PLEKHM3: variants seen among roughly 807,000 people sequenced by gnomAD.
PLEKHM3 encodes the protein pleckstrin homology domain-containing family M member 3.
PLEKHM3 carries 45 observed loss-of-function variants against 81.8 expected under a neutral mutation model. The observed-to-expected ratio is 0.55, with a 90% CI of 0.43 to 0.71. The LOEUF is 0.71. Ranked by LOEUF, PLEKHM3 falls within the 30% of genes least tolerant of loss-of-function variation. The pLI, the probability that PLEKHM3 is intolerant of heterozygous loss-of-function variation, is 0.00. For synonymous variants in PLEKHM3, 352 were observed against 356.4 expected (o/e 0.99, Z 0.14); for missense variants, 788 against 924.3 (o/e 0.85, Z 1.91).
At position 207,936,208 on chromosome 2, in the gene PLEKHM3, C is replaced by G. The variant is rs1210318241; in HGVS notation, c.1693-5089G>C. On this transcript the variant is annotated intron_variant, in intron 4 of 7. Transcript: ENST00000427836. ...TGCTGCTGCCCAAGCTGGTCTCAAG[C>G]AAATCCTTCTGCTTCAGCCTCCAAA... Among the ~76,000 whole-genome samples, 3 of 152,150 alleles carry G rather than the reference C, an allele frequency of 2.0e-5. No individual in the cohort carries two copies. The East Asian group carries it at 5.8e-4, about 29-fold the overall frequency.
At chr2:207,935,256 G>A (rs1188036991) in intron 4 of PLEKHM3, among the ~76,000 whole-genome samples, 1 of 152,168 alleles carries the variant, frequency 6.6e-6, no homozygotes, top group Non-Finnish European at 1.5e-5. Context: ...TATTAAAACT[G>A]AGACATCTTG....
intron 1 of PLEKHM3, among the ~76,000 whole-genome samples, chr2:208,016,625 G>A (rs538686372): frequency 7.4e-5 from 10 of 135,822 alleles, no homozygotes; most frequent in East Asian, 6.3e-4. Flanking sequence ...ACTCCAACCT[G>A]GGTGACAGAG....
intron 4 of PLEKHM3, among the ~76,000 whole-genome samples, chr2:207,945,395 AG>A (rs1405172064): frequency 1.3e-5 from 2 of 152,168 alleles, no homozygotes. Flanking sequence ...TACTTTGCAA[AG>A]CTATTAGCAT....
At chr2:208,014,227 C>T (rs1324447429) in intron 1 of PLEKHM3, among the ~76,000 whole-genome samples, 2 of 152,186 alleles carry the variant, frequency 1.3e-5, no homozygotes, top group Non-Finnish European at 2.9e-5. Flanking sequence ...CAAAGATAAG[C>T]ACAAGATAAG....
intron 2 of PLEKHM3, 95 bp downstream of exon 2, chr2:208,000,935 G>T: frequency 8.6e-7 from 1 of 1,163,532 alleles, no homozygotes; most frequent in Non-Finnish European, 1.2e-6. Flanking sequence ...CAATGATTCA[G>T]TAGAAGTCAG....
At chr2:207,945,494 G>A (rs1399413102) in intron 4 of PLEKHM3, among the ~76,000 whole-genome samples, 1 of 152,198 alleles carries the variant, frequency 6.6e-6, no homozygotes, top group African/African-American at 2.4e-5. Flanking sequence ...GTTCCTTACT[G>A]TTGGCCCCTA....
intron 5 of PLEKHM3, among the ~76,000 whole-genome samples, chr2:207,918,762 G>C (rs1689082883): frequency 6.6e-6 from 1 of 152,250 alleles, no homozygotes; most frequent in Non-Finnish European, 1.5e-5. Flanking sequence ...TATTCAACAA[G>C]TATTTATTAG....
intron 2 of PLEKHM3, among the ~76,000 whole-genome samples, chr2:207,995,129 G>C (rs1179600535): frequency 6.6e-6 from 1 of 152,170 alleles, no homozygotes; most frequent in South Asian, 2.1e-4. Context: ...ACATTAAAGA[G>C]TATGAAAGGC....
At chr2:207,834,484 G>C (rs2092306956) in intron 7 of PLEKHM3, among the ~76,000 whole-genome samples, 1 of 148,034 alleles carries the variant, frequency 6.8e-6, no homozygotes, top group Non-Finnish European at 1.5e-5. Context: ...GGAGTACAAT[G>C]GCGCAATCTC....
At chr2:207,909,095 G>A (rs1221624178) in intron 5 of PLEKHM3, among the ~76,000 whole-genome samples, 1 of 152,112 alleles carries the variant, frequency 6.6e-6, no homozygotes, top group East Asian at 1.9e-4. Context: ...GAGGAGGAGT[G>A]ATACTGAATA....
At chr2:207,833,873 A>G (rs569834546) in intron 7 of PLEKHM3, among the ~76,000 whole-genome samples, 2 of 152,282 alleles carry the variant, frequency 1.3e-5, no homozygotes, top group African/African-American at 4.8e-5. Flanking sequence ...ACCAACCAAT[A>G]AGGTCCAGTG....
chr2:207,836,829 G>A (rs1158762767), intron 7 of PLEKHM3, among the ~76,000 whole-genome samples: 2 of 152,190 alleles, frequency 1.3e-5, no homozygotes, highest in African/African-American at 4.8e-5. Context: ...TATTTCACTT[G>A]GATTGAAATT....
At chr2:208,003,343 A>G (rs1441506174) in intron 1 of PLEKHM3, among the ~76,000 whole-genome samples, 1 of 152,238 alleles carries the variant, frequency 6.6e-6, no homozygotes, top group African/African-American at 2.4e-5. Flanking sequence ...TAATACATAT[A>G]TGTTATCGCA....
At chr2:208,018,123 C>T (rs1692987985) in intron 1 of PLEKHM3, among the ~76,000 whole-genome samples, 1 of 152,122 alleles carries the variant, frequency 6.6e-6, no homozygotes. Context: ...GCCTGTAATC[C>T]CAGCACTTTG....
intron 2 of PLEKHM3, among the ~76,000 whole-genome samples, chr2:207,986,494 A>G (rs1381173273): frequency 6.6e-6 from 1 of 152,208 alleles, no homozygotes. Flanking sequence ...TACAACTGTT[A>G]TATAGGCTCA....
chr2:207,993,241 G>A lies in PLEKHM3; in HGVS notation c.610+7789C>T, dbSNP rs186386758. 2.0e-5 allele frequency among the ~76,000 whole-genome samples: 3 copies of A among 152,268 alleles called. No homozygotes were observed. In the East Asian group the frequency reaches 5.8e-4, roughly 29 times the overall value. On this transcript the variant is annotated intron_variant, in intron 2 of 7. Coordinates refer to ENST00000427836, the MANE Select transcript of PLEKHM3 (RefSeq NM_001080475.3). ...AGGCATATTGGGTTTCCAAATAGCT[G>A]CCACAGGCCAACATTCAATAATGTA...
At chr2:207,972,920 C>T (rs1335283408) in intron 3 of PLEKHM3, among the ~76,000 whole-genome samples, 1 of 152,106 alleles carries the variant, frequency 6.6e-6, no homozygotes, top group Non-Finnish European at 1.5e-5. Flanking sequence ...ATTTGTGGCT[C>T]CCCTGAATAG....
rs115541584 is a variant in PLEKHM3, at chr2:207,913,874, C to T, written c.1887-5297G>A. Among the ~76,000 whole-genome samples, 830 of 152,100 alleles carry T rather than the reference C, an allele frequency of 5.5e-3. 6 individuals are homozygous for T. Among genetic ancestry groups the T allele is most frequent in the African/African-American group, 0.019 (781 of 41,486 alleles). On this transcript the variant is annotated intron_variant, in intron 5 of 7. Transcript: ENST00000427836. ...AGGCCTAAAGGAAATGGGATGTGGA[C>T]CCAGCTGGAAGCTCTTTCAAATACA...
intron 2 of PLEKHM3, among the ~76,000 whole-genome samples, chr2:207,984,503 C>T (rs1200449398): frequency 2.0e-5 from 3 of 152,062 alleles, no homozygotes; most frequent in African/African-American, 7.2e-5. Context: ...GTCTCAGCCT[C>T]CCGAGTAGCT....
Sources: gnomAD v4.1 joint callset for allele counts (sites outside exome capture counted in the v4.1 genomes callset) on GRCh38, gnomAD v4.1.1 for gene constraint, MANE v1.5 for transcripts, NCBI Gene and HGNC (gene_info 2026-07-23, HGNC 2026-07-21) for gene names.